Variants in WWOX observed in about 807,000 individuals in gnomAD.
WWOX encodes WW domain containing oxidoreductase.
Under a neutral mutation model 46.2 loss-of-function variants are expected in WWOX, and 69 were observed. The observed-to-expected ratio is 1.49, with a 90% confidence interval of 1.23 to 1.82. The LOEUF is 1.82. Ranked by LOEUF, WWOX falls within the 40% of genes most tolerant of loss-of-function variation. The pLI is 0.00. For synonymous variants in WWOX, 359 were observed against 202.6 expected, an observed-to-expected ratio of 1.77 and a Z score of -6.56; for missense variants, 919 against 542.6, an observed-to-expected ratio of 1.69 and a Z score of -6.89.
At chr16:78,589,216 A>G (rs1315369674) in intron 8 of WWOX, among the ~76,000 whole-genome samples, 3 of 152,218 alleles carry the variant, frequency 2.0e-5, no homozygotes, top group Admixed American at 2.0e-4. Flanking sequence ...TATTGCGGTA[A>G]GTGCTCAGGA....
At chr16:78,180,861 G>A (rs1466207732) in intron 5 of WWOX, among the ~76,000 whole-genome samples, 2 of 152,138 alleles carry the variant, frequency 1.3e-5, no homozygotes, top group South Asian at 2.1e-4. Context: ...GCAGACGTCC[G>A]GACTGTGCTT....
At chr16:79,128,083 C>T (rs1383730178) in intron 8 of WWOX, among the ~76,000 whole-genome samples, 1 of 152,118 alleles carries the variant, frequency 6.6e-6, no homozygotes, top group African/African-American at 2.4e-5. Flanking sequence ...CCCCCTTCTC[C>T]ATCCCCCACC....
intron 8 of WWOX, among the ~76,000 whole-genome samples, chr16:79,195,767 G>C (rs1463322052): frequency 1.3e-5 from 2 of 152,342 alleles, no homozygotes; most frequent in Middle Eastern, 3.4e-3. Flanking sequence ...AACACTCCAG[G>C]TAGTGGTACA....
chr16:78,594,058 G>A (rs879104307), intron 8 of WWOX, among the ~76,000 whole-genome samples: 1 of 152,144 alleles, frequency 6.6e-6, no homozygotes, highest in Admixed American at 6.5e-5. Flanking sequence ...GATGTGAGAT[G>A]TGATCACGTT....
chr16:78,211,291 C>T (rs2036551689), intron 5 of WWOX, among the ~76,000 whole-genome samples: 1 of 152,196 alleles, frequency 6.6e-6, no homozygotes, highest in Non-Finnish European at 1.5e-5. Flanking sequence ...AGGGGACTCA[C>T]ACGTCACAAG....
At chr16:78,353,132 A>G (rs1007788546) in intron 5 of WWOX, among the ~76,000 whole-genome samples, 1 of 152,194 alleles carries the variant, frequency 6.6e-6, no homozygotes, top group African/African-American at 2.4e-5. Flanking sequence ...TGGTCCAGCC[A>G]GCCAGCTAAC....
chr16:78,357,814 G>A (rs558033817), intron 5 of WWOX, among the ~76,000 whole-genome samples: 2 of 152,106 alleles, frequency 1.3e-5, no homozygotes, highest in African/African-American at 4.8e-5. Context: ...CCGATCCCTG[G>A]GAGTTTGGTG....
chr16:78,557,277 G>T (rs2044321422), intron 8 of WWOX, among the ~76,000 whole-genome samples: 1 of 152,040 alleles, frequency 6.6e-6, no homozygotes, highest in Non-Finnish European at 1.5e-5. Flanking sequence ...TGATCACATA[G>T]ACATTTGGAA....
intron 8 of WWOX, among the ~76,000 whole-genome samples, chr16:78,760,998 C>T (rs1209581832): frequency 6.6e-6 from 1 of 152,098 alleles, no homozygotes; most frequent in East Asian, 1.9e-4. Context: ...CTATCATGAG[C>T]ATAGCACAGG....
At chr16:78,796,110 A>G (rs1274721972) in intron 8 of WWOX, among the ~76,000 whole-genome samples, 2 of 152,242 alleles carry the variant, frequency 1.3e-5, no homozygotes, top group African/African-American at 4.8e-5. Flanking sequence ...CTACCTAGCT[A>G]TCACATTTAG....
At chr16:78,248,564 C>T (rs779417460) in intron 5 of WWOX, among the ~76,000 whole-genome samples, 6 of 152,030 alleles carry the variant, frequency 3.9e-5, no homozygotes, top group Non-Finnish European at 7.4e-5. Flanking sequence ...GGTGAAAACT[C>T]ATCTCTACTA....
intron 8 of WWOX, among the ~76,000 whole-genome samples, chr16:78,483,050 G>C (rs1466436753): frequency 6.6e-6 from 1 of 152,112 alleles, no homozygotes; most frequent in Non-Finnish European, 1.5e-5. Flanking sequence ...TAGACATGAA[G>C]GGCCTCTTCA....
At chr16:78,110,894 G>A (rs559333703) in intron 3 of WWOX, among the ~76,000 whole-genome samples, 202 of 152,292 alleles carry the variant, frequency 1.3e-3, no homozygotes, top group Non-Finnish European at 1.9e-3. Context: ...CTTGACCACC[G>A]TAGTTAAGAG....
intron 5 of WWOX, among the ~76,000 whole-genome samples, chr16:78,170,828 CAG>C: frequency 6.6e-6 from 1 of 152,196 alleles, no homozygotes; most frequent in Middle Eastern, 3.4e-3. Context: ...ATTGAGAAAG[CAG>C]AGAGATGAGG....
intron 8 of WWOX, among the ~76,000 whole-genome samples, chr16:78,574,914 C>T (rs937201240): frequency 3.5e-5 from 5 of 142,124 alleles, no homozygotes; most frequent in East Asian, 2.1e-4. Flanking sequence ...TTAATTAATT[C>T]GATTGTGATA....
In WWOX at chr16:79,212,266, T is replaced by A. The variant is rs2051790271; in HGVS notation, c.*470T>A. On this transcript the variant is annotated 3_prime_UTR_variant, in exon 9 of 9. Coordinates refer to ENST00000566780, the MANE Select transcript of WWOX (RefSeq NM_016373.4). ...TTGATCCAGGAGATAATTGTTTCAT[T>A]CATCCTGACCAAGACTGAGCCAGCT... The A allele has an allele frequency of 3.1e-6, 4 of 1,272,100 alleles. No individual in the cohort carries two copies. In the African/African-American group the frequency reaches 4.5e-5, roughly 14 times the overall value. 78.8% of individuals were successfully genotyped at this position (1,272,100 alleles called of 1,614,324 possible). A position where few individuals can be genotyped will look rare whatever the true frequency, so the allele number is the denominator to read the frequency against.
Position 78,116,027 on chromosome 16 carries a change from A to G in WWOX, c.409+873A>G, listed in dbSNP as rs576690149. ...TTTTATTTTTATTTTTTGTGGGTATATAAAGGTGTCTATATTTATGGGGTT... is the reference window on the plus strand; with the variant it reads ...TTTTATTTTTATTTTTTGTGGGTATGTAAAGGTGTCTATATTTATGGGGTT... On this transcript the variant is annotated intron_variant, in intron 4 of 8. Coordinates refer to ENST00000566780, the MANE Select transcript of WWOX (RefSeq NM_016373.4). Among the ~76,000 whole-genome samples the G allele has an allele frequency of 3.3e-5, 5 of 152,128 alleles. No individual in the cohort carries two copies. The East Asian group carries it at 5.8e-4, about 18-fold the overall frequency.
At chr16:79,067,424 T>G (rs975449861) in intron 8 of WWOX, among the ~76,000 whole-genome samples, 4 of 152,090 alleles carry the variant, frequency 2.6e-5, no homozygotes, top group Non-Finnish European at 4.4e-5. Context: ...TCTTAAAAAC[T>G]TTATGAAAAC....
At chr16:78,564,622 T>C (rs978028097) in intron 8 of WWOX, among the ~76,000 whole-genome samples, 5 of 152,164 alleles carry the variant, frequency 3.3e-5, no homozygotes, top group Non-Finnish European at 7.4e-5. Context: ...TCTTTTTAAA[T>C]CTGAACCTCA....
Sources: gnomAD v4.1 joint callset for allele counts (sites outside exome capture counted in the v4.1 genomes callset) on GRCh38, gnomAD v4.1.1 for gene constraint, MANE v1.5 for transcripts, NCBI Gene and HGNC (gene_info 2026-07-23, HGNC 2026-07-21) for gene names.